DOCK1: variants seen among roughly 807,000 people sequenced by gnomAD.
The protein encoded by DOCK1 is dedicator of cytokinesis 1.
DOCK1 carries 138 observed loss-of-function variants against 262.7 expected under a neutral mutation model. The observed-to-expected ratio is 0.53, with a 90% CI of 0.46 to 0.61. The LOEUF is 0.61. Among genes scored for constraint, DOCK1 ranks in the 20% least tolerant of loss-of-function variants. The pLI is 0.00. For synonymous variants in DOCK1, 866 were observed against 867.4 expected, an observed-to-expected ratio of 1.00 and a Z score of 0.03; for missense variants, 1,908 against 2,370.7, an observed-to-expected ratio of 0.80 and a Z score of 4.05.
intron 29 of DOCK1, among the ~76,000 whole-genome samples, chr10:127,274,924 T>C (rs947292304): frequency 1.2e-4 from 19 of 152,156 alleles, no homozygotes; most frequent in African/African-American, 4.6e-4. Flanking sequence ...TTCTTTACCC[T>C]CCTCCCAAGA....
intron 38 of DOCK1, among the ~76,000 whole-genome samples, chr10:127,389,880 G>A (rs994509369): frequency 6.6e-6 from 1 of 152,068 alleles, no homozygotes; most frequent in Non-Finnish European, 1.5e-5. Flanking sequence ...CCATCGTGGT[G>A]GCAGGCACCT....
chr10:127,058,664 A>G (rs2045334237), intron 22 of DOCK1, among the ~76,000 whole-genome samples: 1 of 150,752 alleles, frequency 6.6e-6, no homozygotes, highest in Non-Finnish European at 1.5e-5. Flanking sequence ...TTATTTGAAT[A>G]TTCTTTTACT....
At chr10:127,182,014 G>C (rs1036847662) in intron 27 of DOCK1, among the ~76,000 whole-genome samples, 2 of 152,124 alleles carry the variant, frequency 1.3e-5, no homozygotes, top group African/African-American at 4.8e-5. Context: ...GACCAAAAAG[G>C]GGTGACTGGA....
intron 27 of DOCK1, among the ~76,000 whole-genome samples, chr10:127,154,526 A>T (rs1289602252): frequency 6.6e-6 from 1 of 152,264 alleles, no homozygotes; most frequent in South Asian, 2.1e-4. Flanking sequence ...GAAAATTTTT[A>T]TGAAAATACC....
At chr10:127,031,595 AT>A in intron 16 of DOCK1, 54 bp from the exon 17 acceptor site, 1 of 1,380,830 alleles carries the variant, frequency 7.2e-7, no homozygotes, top group Non-Finnish European at 1.0e-6. Flanking sequence ...TTATAATGTT[AT>A]TTTGTCATGA....
At chr10:127,440,138 C>T (rs1005250104) in intron 49 of DOCK1, among the ~76,000 whole-genome samples, 3 of 121,754 alleles carry the variant, frequency 2.5e-5, no homozygotes, top group African/African-American at 3.3e-5. Context: ...AGGCGTGTCA[C>T]ATGGTGAGAA....
chr10:127,389,577 T>C, intron 38 of DOCK1, among the ~76,000 whole-genome samples: 1 of 152,112 alleles, frequency 6.6e-6, no homozygotes, highest in East Asian at 1.9e-4. Context: ...TCGATCTGGG[T>C]CCCTGCCCAA....
chr10:127,218,529 T>G (rs1375433551), intron 27 of DOCK1, among the ~76,000 whole-genome samples: 1 of 152,232 alleles, frequency 6.6e-6, no homozygotes, highest in Admixed American at 6.5e-5. Context: ...ATCAACCTTT[T>G]CTCACTCTGC....
chr10:127,250,781 GA>G (rs2059600415), intron 28 of DOCK1, among the ~76,000 whole-genome samples: 1 of 92,300 alleles, frequency 1.1e-5, no homozygotes, highest in African/African-American at 4.6e-5. Flanking sequence ...GACACAGTGA[GA>G]CTCCGTCTCA....
At chr10:127,009,456 G>T (rs2135276168) in intron 11 of DOCK1, among the ~76,000 whole-genome samples, 1 of 152,254 alleles carries the variant, frequency 6.6e-6, no homozygotes, top group African/African-American at 2.4e-5. Context: ...CCCTCGTGTG[G>T]AAGCAAGAGT....
chr10:127,026,822 G>C lies in DOCK1; in HGVS notation c.1624+398G>C, dbSNP rs113768304. ...TTTGTCTTCCTTGGTGGCCCTTGCTGTCTGGAGCTCAGGGATGGCTTTTCT... is the reference window on the plus strand; with the variant it reads ...TTTGTCTTCCTTGGTGGCCCTTGCTCTCTGGAGCTCAGGGATGGCTTTTCT... On this transcript the variant is annotated intron_variant, in intron 16 of 51. Transcript: ENST00000623213. Among the ~76,000 whole-genome samples the C allele has an allele frequency of 4.2e-3, 633 of 152,284 alleles. 3 individuals are homozygous for C. The highest frequency in any genetic ancestry group is 0.014 in the Middle Eastern group (4 of 294).
In DOCK1 at chr10:126,995,373, C is replaced by T. The variant is rs1408359993; in HGVS notation, c.474-1375C>T. Among the ~76,000 whole-genome samples the T allele has an allele frequency of 6.6e-6, 1 of 152,216 alleles. No individual in the cohort carries two copies. The highest frequency in any genetic ancestry group is 2.4e-5 in the African/African-American group (1 of 41,458). On this transcript the variant is annotated intron_variant, in intron 6 of 51. Transcript: ENST00000623213. The surrounding 1 kb of genome is among the most constrained non-coding windows in gnomAD (Gnocchi z 5.8). ...AACACTGAGCACTGGGTGAGCAAGA[C>T]TCTGTCTGCAATCCCAGCACCTCGG... is the stretch of plus-strand genomic sequence containing the variant.
rs3083933 is a variant in DOCK1, at chr10:127,198,744, CT to C, written c.2848-49250del. On this transcript the variant is annotated intron_variant, in intron 27 of 51. Coordinates refer to ENST00000623213, the MANE Select transcript of DOCK1 (RefSeq NM_001290223.2). Reference sequence around the variant, plus strand: ...TCTATTAAAATCATTGGCATCGCTTCTTTTTTTTTTTTTTGAAGTAGGAAAC... The same window carrying C: ...TCTATTAAAATCATTGGCATCGCTTCTTTTTTTTTTTTTGAAGTAGGAAAC... 5.5e-3 allele frequency among the ~76,000 whole-genome samples: 812 copies of C among 146,352 alleles called. 9 individuals are homozygous for C. Among genetic ancestry groups the C allele is most frequent in the African/African-American group, 0.019 (749 of 39,892 alleles).
chr10:127,136,660 G>A (rs2050727663), intron 27 of DOCK1: 1 of 152,632 alleles, frequency 6.6e-6, no homozygotes, highest in Non-Finnish European at 1.5e-5. Flanking sequence ...GTAATCAAGA[G>A]AGAACTCTAA....
rs529300987 is a variant in DOCK1, at chr10:127,369,899, G to A, written c.3433-3882G>A. Among the ~76,000 whole-genome samples, 31 of 152,372 alleles carry A rather than the reference G, an allele frequency of 2.0e-4. 1 individual carries two copies. Among genetic ancestry groups the A allele is most frequent in the Admixed American group, 1.6e-3 (25 of 15,310 alleles). On this transcript the variant is annotated intron_variant, in intron 33 of 51. Transcript: ENST00000623213. ...TCTGAGCACAGGTACTCAAGGCTGA[G>A]TGATGGATCGGGAGGGACCAGTCAC...
intron 10 of DOCK1, among the ~76,000 whole-genome samples, chr10:127,005,411 T>C (rs2040941431): frequency 6.6e-6 from 1 of 152,196 alleles, no homozygotes; most frequent in South Asian, 2.1e-4. Context: ...ATTCTATCTG[T>C]TCATAGGCTA....
At chr10:127,045,180 A>C (rs975805232) in intron 21 of DOCK1, among the ~76,000 whole-genome samples, 7 of 145,534 alleles carry the variant, frequency 4.8e-5, no homozygotes, top group African/African-American at 1.8e-4. Context: ...CCTGGGCTAC[A>C]GATCAAGACT....
At chr10:127,222,762 C>T (rs1288693148) in intron 27 of DOCK1, among the ~76,000 whole-genome samples, 1 of 129,968 alleles carries the variant, frequency 7.7e-6, no homozygotes, top group Non-Finnish European at 1.7e-5. Flanking sequence ...ACCTCCTAGG[C>T]TAAAGTGATT....
chr10:127,217,899 A>T (rs1453640880), intron 27 of DOCK1, among the ~76,000 whole-genome samples: 1 of 152,106 alleles, frequency 6.6e-6, no homozygotes, highest in African/African-American at 2.4e-5. Flanking sequence ...TTTTATTTTT[A>T]TGCATATGTT....
Sources: allele counts gnomAD v4.1 joint callset (sites outside exome capture counted in the v4.1 genomes callset), GRCh38; gene constraint gnomAD v4.1.1; non-coding constraint Gnocchi (gnomAD v3.1); transcripts MANE v1.5; gene names NCBI Gene and HGNC (gene_info 2026-07-23, HGNC 2026-07-21).